MTHFD1L: variants seen among roughly 807,000 people sequenced by gnomAD.
The protein encoded by MTHFD1L is monofunctional C1-tetrahydrofolate synthase, mitochondrial.
In MTHFD1L, 81 loss-of-function variants were observed where a neutral mutation model predicts 119.5. That is an observed-to-expected ratio of 0.68 (90% CI 0.57 to 0.82). The LOEUF is 0.82. Among genes scored for constraint, MTHFD1L ranks in the 40% least tolerant of loss-of-function variants. The pLI is 0.00. For synonymous variants in MTHFD1L, 430 were observed against 475.2 expected (o/e 0.90, Z 1.24); for missense variants, 1,125 against 1,253.4 (o/e 0.90, Z 1.55).
Position 150,866,045 on chromosome 6 carries a change from G to T in MTHFD1L, c.223G>T (p.Val75Phe). ...AACGCCCGCGGCGCGGGACTCCATC[G>T]TCAGGTGAGTGTCGGGTCTGGCCCT... ...GRTPAARDSI[V>F]REVIQNSKEV... Residue 75 changes from valine to phenylalanine, a missense_variant, in exon 1 of 28, where the codon GTC becomes TTC. Coordinates refer to ENST00000367321, the MANE Select transcript of MTHFD1L (RefSeq NM_015440.5). The T allele has an allele frequency of 6.8e-7, 1 of 1,464,868 alleles. No homozygotes were observed. The highest frequency in any genetic ancestry group is 9.0e-7 in the Non-Finnish European group (1 of 1,115,716). The allele number at this position is 1,464,868 out of a possible 1,614,324, so 90.7% of individuals were successfully genotyped here.
chr6:151,062,164 C>G (rs924798316), intron 26 of MTHFD1L, among the ~76,000 whole-genome samples: 1 of 152,150 alleles, frequency 6.6e-6, no homozygotes, highest in Non-Finnish European at 1.5e-5. Context: ...AGGCCGGGTG[C>G]GGTGGCTCAC....
chr6:151,008,903 G>T (rs940560817), intron 20 of MTHFD1L, among the ~76,000 whole-genome samples: 1 of 151,398 alleles, frequency 6.6e-6, no homozygotes. Flanking sequence ...GATCACCTGA[G>T]ATCAGGACTT....
intron 2 of MTHFD1L, 105 bp downstream of exon 2, chr6:150,876,279 G>A: frequency 1.1e-6 from 1 of 907,668 alleles, no homozygotes; most frequent in Non-Finnish European, 1.6e-6. Flanking sequence ...AGAGGAGAGG[G>A]CTCAGTTGGC....
chr6:150,871,587 C>T (rs1037159720), intron 1 of MTHFD1L, among the ~76,000 whole-genome samples: 2 of 148,320 alleles, frequency 1.3e-5, no homozygotes, highest in Non-Finnish European at 3.0e-5. Context: ...CTGGAACCTC[C>T]GCCTCTCAGG....
chr6:151,006,998 G>T (rs547426751), intron 20 of MTHFD1L, among the ~76,000 whole-genome samples: 1 of 152,142 alleles, frequency 6.6e-6, no homozygotes, highest in East Asian at 1.9e-4. Context: ...TACTAATCAG[G>T]CCAGTGAACC....
intron 20 of MTHFD1L, among the ~76,000 whole-genome samples, chr6:150,989,942 T>A (rs1355258580): frequency 6.6e-6 from 1 of 152,202 alleles, no homozygotes; most frequent in East Asian, 1.9e-4. Context: ...ATCACAGCAT[T>A]TGTCTAGATT....
chr6:150,939,378 C>T (rs998029726), intron 13 of MTHFD1L: 11 of 152,426 alleles, frequency 7.2e-5, no homozygotes, highest in African/African-American at 2.2e-4. Context: ...GCAAAAAGAA[C>T]TGACGTTGTT....
chr6:151,016,705 C>T (rs1783115150), intron 24 of MTHFD1L: 2 of 287,784 alleles, frequency 6.9e-6, no homozygotes, highest in South Asian at 6.6e-5. Flanking sequence ...TATATACATA[C>T]ATAATATATT....
At chr6:150,943,110 A>G (rs888966561) in intron 13 of MTHFD1L, among the ~76,000 whole-genome samples, 3 of 152,028 alleles carry the variant, frequency 2.0e-5, no homozygotes, top group Non-Finnish European at 4.4e-5. Flanking sequence ...GTGAAACCAC[A>G]TCTCTACTAA....
intron 26 of MTHFD1L, among the ~76,000 whole-genome samples, chr6:151,049,593 C>T (rs1223413231): frequency 2.0e-5 from 3 of 146,628 alleles, no homozygotes; most frequent in African/African-American, 2.5e-5. Context: ...ACCCAGGAGG[C>T]GGAAGTTGCA....
intron 12 of MTHFD1L, among the ~76,000 whole-genome samples, chr6:150,937,535 G>T (rs1272818638): frequency 2.6e-5 from 4 of 152,150 alleles, no homozygotes. Flanking sequence ...TTGGCACTTC[G>T]TGATTTTTTA....
At chr6:150,871,486 T>G (rs966740193) in intron 1 of MTHFD1L, among the ~76,000 whole-genome samples, 4 of 147,634 alleles carry the variant, frequency 2.7e-5, no homozygotes, top group Admixed American at 6.8e-5. Context: ...TGATATCAAC[T>G]ACTGTAATCT....
At chr6:150,945,808 TTGCTAATTTATGAGTACTC>T (rs1793833663) in intron 15 of MTHFD1L, among the ~76,000 whole-genome samples, 2 of 152,258 alleles carry the variant, frequency 1.3e-5, no homozygotes, top group East Asian at 3.9e-4. Flanking sequence ...GAGGACTGTT[TTGCTAATTTATGAGTACTC>T]TAGTCAACTG....
At chr6:151,079,449 TTTTG>T (rs949937482) in intron 26 of MTHFD1L, among the ~76,000 whole-genome samples, 22 of 151,882 alleles carry the variant, frequency 1.4e-4, no homozygotes, top group South Asian at 4.2e-4. Context: ...TCTGTTTGTT[TTTTG>T]TTTGTTTGTT....
At chr6:151,085,756 G>A (rs889211702) in intron 26 of MTHFD1L, among the ~76,000 whole-genome samples, 52 of 128,288 alleles carry the variant, frequency 4.1e-4, no homozygotes, top group Non-Finnish European at 3.0e-4. Context: ...GGGCGACAGA[G>A]CGAGACTCTG....
intron 24 of MTHFD1L, among the ~76,000 whole-genome samples, chr6:151,034,093 A>T (rs913431502): frequency 5.9e-5 from 9 of 151,918 alleles, no homozygotes; most frequent in Admixed American, 1.3e-4. Context: ...AGATGGGAGG[A>T]TCACTTGAGC....
intron 26 of MTHFD1L, among the ~76,000 whole-genome samples, chr6:151,082,850 G>A (rs775471950): frequency 1.2e-4 from 18 of 152,198 alleles, no homozygotes; most frequent in Non-Finnish European, 1.8e-4. Flanking sequence ...AAGGCTGAGC[G>A]AAGTAACTCA....
chr6:151,020,371 A>G (rs186781908), intron 24 of MTHFD1L, among the ~76,000 whole-genome samples: 1 of 152,308 alleles, frequency 6.6e-6, no homozygotes, highest in Non-Finnish European at 1.5e-5. Context: ...AGTGTGCTGG[A>G]CTTCCTAATG....
intron 24 of MTHFD1L, among the ~76,000 whole-genome samples, chr6:151,025,233 AG>A (rs1562557665): frequency 6.6e-6 from 1 of 152,232 alleles, no homozygotes; most frequent in Non-Finnish European, 1.5e-5. Flanking sequence ...GCGAGCCCAC[AG>A]GGCTCCATGC....
Sources: gnomAD v4.1 joint callset for allele counts (sites outside exome capture counted in the v4.1 genomes callset) on GRCh38, gnomAD v4.1.1 for gene constraint, MANE v1.5 for transcripts, NCBI Gene and HGNC (gene_info 2026-07-23, HGNC 2026-07-21) for gene names.